Variants in RARB observed in about 807,000 individuals in gnomAD.
The protein encoded by RARB is retinoic acid receptor beta, also known as HBV-activated protein.
Under a neutral mutation model 51.9 loss-of-function variants are expected in RARB, and 17 were observed. That is an observed-to-expected ratio of 0.33 (90% CI 0.22 to 0.49). The LOEUF (loss-of-function observed/expected upper bound fraction) is 0.49. Ranked by LOEUF, RARB falls within the 20% of genes least tolerant of loss-of-function variation. The pLI is 0.99. For missense variants in RARB, 369 were observed against 550.8 expected (o/e 0.67, Z 3.30); for synonymous variants, 215 against 195.4 (o/e 1.10, Z -0.84).
intron 1 of RARB, among the ~76,000 whole-genome samples, chr3:24,853,499 C>G (rs1034747431): frequency 3.9e-5 from 6 of 152,132 alleles, no homozygotes; most frequent in Non-Finnish European, 5.9e-5. Context: ...AGAGAAGACT[C>G]TGGTTTTCAG....
intron 5 of RARB, among the ~76,000 whole-genome samples, chr3:25,255,368 A>G (rs1272357372): frequency 1.3e-5 from 2 of 152,166 alleles, no homozygotes; most frequent in Non-Finnish European, 2.9e-5. Context: ...CATACCTTGA[A>G]CATCATTATG....
chr3:24,855,106 A>G (rs1324579324), intron 1 of RARB, among the ~76,000 whole-genome samples: 2 of 152,208 alleles, frequency 1.3e-5, no homozygotes, highest in Admixed American at 6.5e-5. Flanking sequence ...CACTTTGTCC[A>G]TTAAATTTCA....
chr3:25,286,319 A>G lies in RARB; in HGVS notation c.178+111744A>G, dbSNP rs183206985. On this transcript the variant is annotated intron_variant, in intron 5 of 11. Transcript: ENST00000383772. ...TAGCCAGGATGGTCTCGATCTCCTG[A>G]CCTCGTGATCCACCCGCCTTGGCCT... Among the ~76,000 whole-genome samples the G allele has an allele frequency of 2.3e-3, 352 of 151,960 alleles. 1 individual carries two copies. The highest frequency in any genetic ancestry group is 7.9e-3 in the African/African-American group (326 of 41,456).
intron 3 of RARB, among the ~76,000 whole-genome samples, chr3:25,064,061 G>A (rs187817073): frequency 6.6e-6 from 1 of 152,132 alleles, no homozygotes; most frequent in African/African-American, 2.4e-5. Flanking sequence ...GGGCAGCGGT[G>A]GGTGGATAGA....
At chr3:24,845,308 T>C (rs975741365) in intron 1 of RARB, among the ~76,000 whole-genome samples, 2 of 152,174 alleles carry the variant, frequency 1.3e-5, no homozygotes, top group African/African-American at 4.8e-5. Flanking sequence ...TGTGACGTGA[T>C]ATGTAGAAAG....
At chr3:25,026,601 T>A (rs989818421) in intron 2 of RARB, among the ~76,000 whole-genome samples, 2 of 148,762 alleles carry the variant, frequency 1.3e-5, no homozygotes, top group Non-Finnish European at 3.0e-5. Context: ...ATTACCTCTT[T>A]GAAGGCCCAA....
At position 25,327,019 on chromosome 3, in the gene RARB, G is replaced by A. The variant is rs369210633; in HGVS notation, c.179-134174G>A. ...CCCACCCCACAACAGTCCCCGGTGT[G>A]TGATGTTCCCCTTCCTGTGTCCATG... On this transcript the variant is annotated intron_variant, in intron 5 of 11. Coordinates refer to the RARB transcript ENST00000383772. Among the ~76,000 whole-genome samples the A allele has an allele frequency of 4.5e-4, 69 of 151,982 alleles. No individual in the cohort carries two copies. In the East Asian group the frequency reaches 6.4e-3, roughly 14 times the overall value.
chr3:25,414,276 C>T (rs543568177), intron 5 of RARB, among the ~76,000 whole-genome samples: 50 of 152,334 alleles, frequency 3.3e-4, no homozygotes, highest in African/African-American at 1.2e-3. Context: ...TGCCAAGAAG[C>T]TTTCCATTGT....
intron 3 of RARB, among the ~76,000 whole-genome samples, chr3:25,545,940 G>A (rs1390738931): frequency 2.0e-5 from 3 of 152,178 alleles, no homozygotes; most frequent in Non-Finnish European, 4.4e-5. Flanking sequence ...GGGGAATCAG[G>A]TTGTAATTTT....
At chr3:25,259,009 G>A in intron 5 of RARB, 1 of 984,826 alleles carries the variant, frequency 1.0e-6, no homozygotes, top group Non-Finnish European at 1.2e-6. Context: ...ATAGTATATG[G>A]TGTCTGAGAC....
intron 2 of RARB, among the ~76,000 whole-genome samples, chr3:24,903,095 C>G (rs1366880672): frequency 6.6e-6 from 1 of 151,892 alleles, no homozygotes; most frequent in Non-Finnish European, 1.5e-5. Context: ...TGAAAAATCT[C>G]CAAGTAGTAA....
chr3:24,895,639 A>C (rs1263240896), intron 2 of RARB, among the ~76,000 whole-genome samples: 3 of 148,826 alleles, frequency 2.0e-5, no homozygotes, highest in African/African-American at 7.6e-5. Flanking sequence ...CTTGAGAAGG[A>C]GTCTCGCTCT....
chr3:25,277,431 C>T (rs1031654248), intron 5 of RARB, among the ~76,000 whole-genome samples: 1 of 152,086 alleles, frequency 6.6e-6, no homozygotes, highest in Admixed American at 6.6e-5. Flanking sequence ...GTGAAATCGC[C>T]TATGGATCAT....
intron 2 of RARB, among the ~76,000 whole-genome samples, chr3:24,979,370 C>CCTTA (rs1696589210): frequency 6.6e-6 from 1 of 152,136 alleles, no homozygotes; most frequent in South Asian, 2.1e-4. Flanking sequence ...GTGTGGGAGT[C>CCTTA]TAAGTCTCTT....
intron 5 of RARB, among the ~76,000 whole-genome samples, chr3:25,401,280 G>A (rs900911767): frequency 6.6e-6 from 1 of 152,128 alleles, no homozygotes; most frequent in Non-Finnish European, 1.5e-5. Flanking sequence ...ATTCAATCGA[G>A]ATTATGCACT....
intron 2 of RARB, among the ~76,000 whole-genome samples, chr3:24,904,702 C>T (rs927391503): frequency 1.3e-5 from 2 of 152,160 alleles, no homozygotes; most frequent in African/African-American, 4.8e-5. Flanking sequence ...ACTATGAAGA[C>T]ACATGCACAC....
At chr3:24,934,106 T>C (rs1319612608) in intron 2 of RARB, among the ~76,000 whole-genome samples, 2 of 152,142 alleles carry the variant, frequency 1.3e-5, no homozygotes, top group Non-Finnish European at 2.9e-5. Flanking sequence ...CCAATTGTTA[T>C]TTTGCCAAGA....
chr3:25,042,063 G>A (rs1698126025), intron 2 of RARB, among the ~76,000 whole-genome samples: 1 of 152,134 alleles, frequency 6.6e-6, no homozygotes, highest in South Asian at 2.1e-4. Context: ...GGTAACATAG[G>A]CAGCACATCC....
At chr3:25,383,035 G>A (rs1706676537) in intron 5 of RARB, among the ~76,000 whole-genome samples, 1 of 152,162 alleles carries the variant, frequency 6.6e-6, no homozygotes, top group Non-Finnish European at 1.5e-5. Context: ...GTTAACAATA[G>A]CACCTAAGAG....
Sources: allele counts gnomAD v4.1 joint callset (sites outside exome capture counted in the v4.1 genomes callset), GRCh38; gene constraint gnomAD v4.1.1; transcripts MANE v1.5; gene names NCBI Gene and HGNC (gene_info 2026-07-23, HGNC 2026-07-21).